FSTL4: variants seen among roughly 807,000 people sequenced by gnomAD.
FSTL4 encodes the protein follistatin-related protein 4.
In FSTL4, 28 loss-of-function variants were observed where a neutral mutation model predicts 78.2. The observed-to-expected ratio is 0.36, with a 90% CI of 0.27 to 0.49. The LOEUF (loss-of-function observed/expected upper bound fraction) is 0.49. Ranked by LOEUF, FSTL4 falls within the 20% of genes least tolerant of loss-of-function variation. FSTL4 has a pLI of 0.98. For synonymous variants in FSTL4, 422 were observed against 440.5 expected (o/e 0.96, Z 0.53); for missense variants, 922 against 1,084.9 (o/e 0.85, Z 2.11).
chr5:133,463,906 C>CT (rs1456494370), intron 3 of FSTL4, among the ~76,000 whole-genome samples: 1 of 152,266 alleles, frequency 6.6e-6, no homozygotes, highest in Non-Finnish European at 1.5e-5. Flanking sequence ...AAGCCAAGGA[C>CT]TGGCTTCTTC....
the FSTL4 span, among the ~76,000 whole-genome samples, chr5:133,743,835 G>A: frequency 6.6e-6 from 1 of 152,194 alleles, no homozygotes; most frequent in Non-Finnish European, 1.5e-5. Context: ...CCCAAAGATG[G>A]AGCTTACGAG....
rs571213231 is a variant in FSTL4, at chr5:133,485,623, T to C, written c.160+81563A>G. On this transcript the variant is annotated intron_variant, in intron 3 of 15. Coordinates refer to ENST00000265342, the MANE Select transcript of FSTL4 (RefSeq NM_015082.2). ...GCAAATATGCAAATAGCAGGAGCCA[T>C]TGCAGCTGCAAACAAGCTGCGGTCC... Among the ~76,000 whole-genome samples the C allele has an allele frequency of 5.3e-5, 8 of 152,320 alleles. No individual in the cohort carries two copies. In the Middle Eastern group the frequency reaches 0.024, roughly 453 times the overall value.
At chr5:133,590,077 C>T (rs1002660634) in intron 2 of FSTL4, among the ~76,000 whole-genome samples, 16 of 147,348 alleles carry the variant, frequency 1.1e-4, no homozygotes, top group Non-Finnish European at 1.9e-4. Flanking sequence ...ATGAGAATTC[C>T]TATTGGGAAT....
upstream of FSTL4, among the ~76,000 whole-genome samples, chr5:133,615,168 A>G (rs1187991905): frequency 6.6e-6 from 1 of 152,182 alleles, no homozygotes; most frequent in Non-Finnish European, 1.5e-5. Flanking sequence ...GGGTCAGCTT[A>G]CCCTTGGGAG....
At chr5:133,357,283 G>C (rs1269387806) in intron 4 of FSTL4, among the ~76,000 whole-genome samples, 1 of 152,132 alleles carries the variant, frequency 6.6e-6, no homozygotes, top group Non-Finnish European at 1.5e-5. Context: ...CCTGCCCCTA[G>C]GAGAACTCCC....
chr5:133,258,017 A>C (rs1405824784), intron 6 of FSTL4, among the ~76,000 whole-genome samples: 1 of 152,212 alleles, frequency 6.6e-6, no homozygotes. Flanking sequence ...CTCCTGAGCA[A>C]GTCAGTGGAG....
At chr5:133,692,278 A>C in the FSTL4 span, among the ~76,000 whole-genome samples, 1 of 152,198 alleles carries the variant, frequency 6.6e-6, no homozygotes, top group Non-Finnish European at 1.5e-5. Flanking sequence ...AGATGAGCCA[A>C]GTGCCTGGAG....
chr5:133,719,762 T>C, the FSTL4 span, among the ~76,000 whole-genome samples: 1 of 151,984 alleles, frequency 6.6e-6, no homozygotes, highest in Admixed American at 6.6e-5. Flanking sequence ...TACTATATCT[T>C]AATACTCTGA....
the FSTL4 span, among the ~76,000 whole-genome samples, chr5:133,778,153 C>T: frequency 6.6e-6 from 1 of 152,212 alleles, no homozygotes. Context: ...AGACCTTCCA[C>T]ATCTGCCCCC....
intron 6 of FSTL4, among the ~76,000 whole-genome samples, chr5:133,276,382 C>T (rs1303369231): frequency 6.6e-6 from 1 of 152,212 alleles, no homozygotes; most frequent in Non-Finnish European, 1.5e-5. Context: ...AAGGTCTGTC[C>T]CGCCCTGGCC....
At chr5:133,681,771 G>T in the FSTL4 span, among the ~76,000 whole-genome samples, 10 of 152,234 alleles carry the variant, frequency 6.6e-5, no homozygotes, top group Non-Finnish European at 1.5e-4. Flanking sequence ...CCCATCATCA[G>T]AGCAGGGTGG....
rs111281568 is a variant in FSTL4 at position 133,214,245 on chromosome 5, A to T, written c.1608+2984T>A. Among the ~76,000 whole-genome samples, 178 of 152,318 alleles carry T rather than the reference A, an allele frequency of 1.2e-3. 1 individual carries two copies. The highest frequency in any genetic ancestry group is 3.9e-3 in the African/African-American group (164 of 41,572). On this transcript the variant is annotated intron_variant, in intron 13 of 15. Transcript: ENST00000265342. ...GCACATTCTTTTAAAGTACACATGG[A>T]ACATTTACCAAAATTGGTCATAAAC... is the stretch of plus-strand genomic sequence containing the variant.
chr5:133,384,636 G>A (rs1561695267), intron 4 of FSTL4, among the ~76,000 whole-genome samples: 1 of 152,148 alleles, frequency 6.6e-6, no homozygotes, highest in Non-Finnish European at 1.5e-5. Flanking sequence ...TGGCTTTGTT[G>A]AATGTCCTCG....
intron 3 of FSTL4, among the ~76,000 whole-genome samples, chr5:133,525,233 C>A (rs779808489): frequency 2.0e-5 from 3 of 152,230 alleles, no homozygotes; most frequent in Non-Finnish European, 4.4e-5. Context: ...GCACATTCCA[C>A]CCCAAACAGA....
At chr5:133,301,585 G>A (rs1341098978) in intron 6 of FSTL4, among the ~76,000 whole-genome samples, 1 of 152,178 alleles carries the variant, frequency 6.6e-6, no homozygotes, top group African/African-American at 2.4e-5. Flanking sequence ...TGGAGGGGGA[G>A]AGAGTCCTTT....
At chr5:133,688,686 T>C in the FSTL4 span, among the ~76,000 whole-genome samples, 1 of 152,232 alleles carries the variant, frequency 6.6e-6, no homozygotes. Flanking sequence ...TAGGTCTCGC[T>C]CAGGACTCAT....
Position 133,199,728 on chromosome 5 carries a change from GA to G in FSTL4, c.1895del (p.Leu632ProfsTer57). The G allele has an allele frequency of 6.2e-7, 1 of 1,608,442 alleles. No homozygotes were observed. Among genetic ancestry groups the G allele is most frequent in the Non-Finnish European group, 8.5e-7 (1 of 1,177,210 alleles). ...CATGGTGGTGCAGGCCGATGGTCTT[GA>G]GGGGCATCATTGTTTCCAGGTCCAC... is the stretch of plus-strand genomic sequence containing the variant. Reference protein sequence around the residue: ...HKVDLETMMPLKTIGLHHHGC... With the variant: ...HKVDLETMMPXKTIGLHHHGC... On this transcript the variant is annotated frameshift_variant, in exon 16 of 16. Coordinates refer to ENST00000265342, the MANE Select transcript of FSTL4 (RefSeq NM_015082.2). LOFTEE classifies it low-confidence loss of function (END_TRUNC). This position sits in a 1 kb window ranked among gnomAD's most constrained non-coding sequence, Gnocchi z 4.4.
At chr5:133,609,601 C>T (rs1430641197) in intron 1 of FSTL4, among the ~76,000 whole-genome samples, 3 of 152,222 alleles carry the variant, frequency 2.0e-5, no homozygotes, top group Non-Finnish European at 4.4e-5. Flanking sequence ...AGCAAGCTAA[C>T]GTTGCAGCAA....
the FSTL4 span, among the ~76,000 whole-genome samples, chr5:133,673,902 T>C: frequency 6.6e-6 from 1 of 152,206 alleles, no homozygotes; most frequent in Admixed American, 6.5e-5. Flanking sequence ...AGTGCCAGAA[T>C]TAACTTCTCT....
Sources: gnomAD v4.1 joint callset for allele counts (sites outside exome capture counted in the v4.1 genomes callset) on GRCh38, gnomAD v4.1.1 for gene constraint, Gnocchi (gnomAD v3.1) non-coding constraint, MANE v1.5 for transcripts, NCBI Gene and HGNC (gene_info 2026-07-23, HGNC 2026-07-21) for gene names.